NANOG: variants seen among roughly 807,000 people sequenced by gnomAD.
NANOG encodes Nanog homeobox, also known as homeobox protein NANOG.
In NANOG, 2 loss-of-function variants were observed where a neutral mutation model predicts 17.7. The observed-to-expected ratio is 0.11, with a 90% CI of 0.05 to 0.36. The LOEUF (loss-of-function observed/expected upper bound fraction) is 0.36. Ranked by LOEUF, NANOG falls within the 10% of genes least tolerant of loss-of-function variation. NANOG has a pLI of 1.00. For missense variants in NANOG, 174 were observed against 362.1 expected (o/e 0.48, Z 4.22); for synonymous variants, 81 against 124.7 (o/e 0.65, Z 2.33).
At chr12:7,791,109 CTTTCT>C (rs139665449) in intron 1 of NANOG, among the ~76,000 whole-genome samples, 4,126 of 122,334 alleles carry the variant, frequency 0.034, 120 homozygotes, top group East Asian at 0.2. Context: ...TTCTTTCTTT[CTTTCT>C]TTTTTTTTTT....
In NANOG at chr12:7,794,534, T is replaced by C; in HGVS notation, c.492T>C (p.Gly164=). The part of the protein sequence containing the change: ...QKNNWPKNSN[G]VTQKASAPTY... ...ACAACTGGCCGAAGAATAGCAATGG[T>C]GTGACGCAGGTAACAGGAAACTTCA... is the stretch of plus-strand genomic sequence containing the variant. Residue 164 remains glycine (G), a synonymous_variant, in exon 3 of 4, where the codon GGT becomes GGC. Transcript: ENST00000229307. 1 of 1,613,400 alleles carries C rather than the reference T, an allele frequency of 6.2e-7. No homozygotes were observed. Among genetic ancestry groups the C allele is most frequent in the Non-Finnish European group, 8.5e-7 (1 of 1,179,670 alleles).
At position 7,789,579 on chromosome 12, in the gene NANOG, C is replaced by G. The variant is rs1862805702; in HGVS notation, c.-36C>G. ...TGCCTTAACCTTTTTTCCAGTCCAC[C>G]TCTTAAATTTTTTCCTCCTCTTCCT... On this transcript the variant is annotated 5_prime_UTR_variant, in exon 1 of 4. Transcript: ENST00000229307. 1 of 1,600,374 alleles carries G rather than the reference C, an allele frequency of 6.2e-7. No homozygotes were observed. Among genetic ancestry groups the G allele is most frequent in the Non-Finnish European group, 8.5e-7 (1 of 1,170,694 alleles).
chr12:7,794,771 C>G lies in NANOG; in HGVS notation c.594C>G (p.Asn198Lys), dbSNP rs776121705. 1.3e-5 allele frequency: 20 copies of G among 1,552,242 alleles called. No individual in the cohort carries two copies. The highest frequency in any genetic ancestry group is 1.7e-4 in the Middle Eastern group (1 of 5,756). The change falls in exon 4 of 4, where the codon AAC becomes AAG. Residue 198 changes from asparagine (N) to lysine (K), a missense_variant. Physicochemically the swap from Asn to Lys is moderately conservative, Grantham distance 94. Coordinates refer to ENST00000229307, the MANE Select transcript of NANOG (RefSeq NM_024865.4). ...NPTGNLPMWS[N>K]QTWNNSTWSN... ...CTGGGAACCTTCCAATGTGGAGCAA[C>G]CAGACCTGGAACAATTCAACCTGGA...
In NANOG at chr12:7,789,464, T is replaced by C. The variant is rs1862803374; in HGVS notation, c.-151T>C. 1.6e-6 allele frequency: 1 copy of C among 644,912 alleles called. No homozygotes were observed. 39.9% of individuals were successfully genotyped at this position (644,912 alleles called of 1,614,324 possible). On this transcript the variant is annotated 5_prime_UTR_variant, in exon 1 of 4. Coordinates refer to ENST00000229307, the MANE Select transcript of NANOG (RefSeq NM_024865.4). ...GACTGAGCTGGTTGCCTCATGTTAT[T>C]ATGCAGGCAACTCACTTTATCCCAA...
Position 7,794,763 on chromosome 12 carries a change from T to A in NANOG, c.586T>A (p.Trp196Arg). The change falls in exon 4 of 4, where the codon TGG becomes AGG. Residue 196 changes from tryptophan to arginine, a missense_variant. Physicochemically the swap from Trp to Arg is moderately radical, Grantham distance 101 (BLOSUM62 -3). Transcript: ENST00000229307. ...GAACCCGACTGGGAACCTTCCAATG[T>A]GGAGCAACCAGACCTGGAACAATTC... Reference protein sequence around the residue: ...LVNPTGNLPMWSNQTWNNSTW... With the variant: ...LVNPTGNLPMRSNQTWNNSTW... 3 of 1,558,418 alleles carry A rather than the reference T, an allele frequency of 1.9e-6. No homozygotes were observed. The highest frequency in any genetic ancestry group is 2.6e-6 in the Non-Finnish European group (3 of 1,149,160).
At chr12:7,794,609 A>T (rs1276656964) in intron 3 of NANOG, 66 bp downstream of exon 3, 17 of 1,608,742 alleles carry the variant, frequency 1.1e-5, no homozygotes, top group Non-Finnish European at 1.4e-5. Context: ...TCCCTGAAAC[A>T]CACAACTCCA....
At chr12:7,794,350 G>T in intron 2 of NANOG, 107 bp from the exon 3 acceptor site, 1 of 1,050,374 alleles carries the variant, frequency 9.5e-7, no homozygotes, top group Non-Finnish European at 1.4e-6. Context: ...TGGGATTACA[G>T]GCATGAGATA....
At position 7,797,355 on chromosome 12, in the gene NANOG, C is replaced by CG. The variant is rs1862945367; in HGVS notation, c.*2260_*2261insG. The CG allele has an allele frequency of 1.9e-5, 1 of 51,854 alleles. No individual in the cohort carries two copies. Among genetic ancestry groups the CG allele is most frequent in the African/African-American group, 5.2e-5 (1 of 19,266 alleles). The allele number at this position is 51,854 out of a possible 1,614,324, so 3.2% of individuals were successfully genotyped here. ...ATAGGTGTGAGCCACCGTGTCTGGG[C>CG]AATTTTTTTTTTTTTTTTTGAGATG... On this transcript the variant is annotated 3_prime_UTR_variant, in exon 4 of 4. Transcript: ENST00000229307.
rs1197935038 is a variant in NANOG at position 7,799,054 on chromosome 12, G to A, written c.*3959G>A. The A allele has an allele frequency of 1.3e-5, 2 of 151,916 alleles. No homozygotes were observed. Among genetic ancestry groups the A allele is most frequent in the Non-Finnish European group, 2.9e-5 (2 of 68,006 alleles). 9.4% of individuals were successfully genotyped at this position (151,916 alleles called of 1,614,324 possible). A position where few individuals can be genotyped will look rare whatever the true frequency, so the allele number is the denominator to read the frequency against. On this transcript the variant is annotated 3_prime_UTR_variant, in exon 4 of 4. Coordinates refer to ENST00000229307, the MANE Select transcript of NANOG (RefSeq NM_024865.4). ...AGTGAAACTTGATTGAAAAGAAGCT[G>A]CTGGTGGTGAGTCTCTCCTTAAGCT...
At chr12:7,792,408 TGTAATCTCAGTACTTCGG>T (rs1862853273) in intron 1 of NANOG, among the ~76,000 whole-genome samples, 1 of 152,184 alleles carries the variant, frequency 6.6e-6, no homozygotes, top group Non-Finnish European at 1.5e-5. Context: ...GGCTCACACC[TGTAATCTCAGTACTTCGG>T]GAGGCCGAGG....
In NANOG at chr12:7,798,698, C is replaced by G. The variant is rs1468874411; in HGVS notation, c.*3603C>G. ...TGATTAGTGAATTTCAAGCTCAGTT[C>G]TCGGGGTGAAGGACAAGGTTAATTC... On this transcript the variant is annotated 3_prime_UTR_variant, in exon 4 of 4. Transcript: ENST00000229307. The G allele has an allele frequency of 2.3e-5, 2 of 86,736 alleles. No homozygotes were observed. The highest frequency in any genetic ancestry group is 9.6e-5 in the African/African-American group (2 of 20,838). The allele number at this position is 86,736 out of a possible 1,614,324, so 5.4% of individuals were successfully genotyped here.
chr12:7,790,905 G>C (rs1163356230), intron 1 of NANOG, among the ~76,000 whole-genome samples: 1 of 151,924 alleles, frequency 6.6e-6, no homozygotes, highest in African/African-American at 2.4e-5. Context: ...ACTATGCCCA[G>C]CTAATTAAAA....
chr12:7,795,048 GATTT>G lies in NANOG; in HGVS notation c.875_878del (p.Leu292SerfsTer2). ...GTATTTTAGTACTCCACAAACCATG[GATTT>G]ATTCCTAAACTACTCCATGAACATG... On this transcript the variant is annotated frameshift_variant, in exon 4 of 4. Transcript: ENST00000229307. LOFTEE classifies it low-confidence loss of function (END_TRUNC). The G allele has an allele frequency of 7.6e-7, 1 of 1,323,374 alleles. No homozygotes were observed. Among genetic ancestry groups the G allele is most frequent in the Non-Finnish European group, 1.1e-6 (1 of 930,560 alleles). 82.0% of individuals were successfully genotyped at this position (1,323,374 alleles called of 1,614,324 possible). A position where few individuals can be genotyped will look rare whatever the true frequency, so the allele number is the denominator to read the frequency against.
At chr12:7,791,854 A>G (rs1322102503) in intron 1 of NANOG, among the ~76,000 whole-genome samples, 3 of 152,206 alleles carry the variant, frequency 2.0e-5, no homozygotes, top group Non-Finnish European at 2.9e-5. Context: ...GGATTCACAT[A>G]TCCTGCTGGT....
In NANOG at chr12:7,797,780, A is replaced by G. The variant is rs1862950894; in HGVS notation, c.*2685A>G. On this transcript the variant is annotated 3_prime_UTR_variant, in exon 4 of 4. Transcript: ENST00000229307. Reference sequence around the variant, plus strand: ...GCAATCCTCCTGCCTGAGTCTCTCAAATAGCCCAGACTATAGGTGCACACC... The same window carrying G: ...GCAATCCTCCTGCCTGAGTCTCTCAGATAGCCCAGACTATAGGTGCACACC... 1 of 152,030 alleles carries G rather than the reference A, an allele frequency of 6.6e-6. No homozygotes were observed. The highest frequency in any genetic ancestry group is 1.5e-5 in the Non-Finnish European group (1 of 68,032). 9.4% of individuals were successfully genotyped at this position (152,030 alleles called of 1,614,324 possible).
At chr12:7,789,827 G>T in intron 1 of NANOG, 62 bp downstream of exon 1, 1 of 1,521,144 alleles carries the variant, frequency 6.6e-7, no homozygotes, top group South Asian at 1.1e-5. Context: ...GAAGGAGAGA[G>T]GGTTAAGGGA....
chr12:7,791,710 C>A (rs1309474340), intron 1 of NANOG, among the ~76,000 whole-genome samples: 2 of 152,072 alleles, frequency 1.3e-5, no homozygotes, highest in African/African-American at 2.4e-5. Flanking sequence ...TTTCTAGTTA[C>A]AAAATCAGTA....
At chr12:7,793,234 A>T in intron 2 of NANOG, 22 bp downstream of exon 2, 1 of 1,611,078 alleles carries the variant, frequency 6.2e-7, no homozygotes, top group Non-Finnish European at 8.5e-7. Flanking sequence ...TTGTCCTTGG[A>T]ATAAGGTGAA....
chr12:7,791,016 A>C (rs1057495245), intron 1 of NANOG, among the ~76,000 whole-genome samples: 2 of 151,390 alleles, frequency 1.3e-5, no homozygotes, highest in African/African-American at 4.9e-5. Flanking sequence ...AGTCGCTGGG[A>C]TTACAGGCGC....
Sources: gnomAD v4.1 joint callset for allele counts (sites outside exome capture counted in the v4.1 genomes callset) on GRCh38, gnomAD v4.1.1 for gene constraint, MANE v1.5 for transcripts, NCBI Gene and HGNC (gene_info 2026-07-23, HGNC 2026-07-21) for gene names.